The following MYL2 variants were observed in gnomAD, a reference collection of about 807,000 sequenced individuals.
MYL2 encodes the protein myosin light chain 2, also known as myosin regulatory light chain 2, ventricular/cardiac muscle isoform.
MYL2 carries 19 observed loss-of-function variants against 23.0 expected under a neutral mutation model. The observed-to-expected ratio is 0.83, with a 90% CI of 0.58 to 1.21. The LOEUF is 1.21. Ranked by LOEUF, MYL2 falls within the 50% of genes most tolerant of loss-of-function variation. The pLI is 0.00. For missense variants in MYL2, 180 were observed against 215.1 expected (o/e 0.84, Z 1.02); for synonymous variants, 78 against 76.2 (o/e 1.02, Z -0.13).
At chr12:110,913,065 G>C (rs905227564) in intron 6 of MYL2, 31 bp downstream of exon 6, 2 of 1,613,798 alleles carry the variant, frequency 1.2e-6, no homozygotes, top group Admixed American at 3.3e-5. Flanking sequence ...CAGGAGCTGG[G>C]TTAGAGGGAG....
chr12:110,920,691 C>T (rs2071718122), upstream of MYL2: 1 of 992,866 alleles, frequency 1.0e-6, no homozygotes, highest in Non-Finnish European at 1.6e-6. Context: ...GCCCCCCCAC[C>T]CCATGCCGTT....
intron 6 of MYL2, 114 bp downstream of exon 6, chr12:110,912,982 C>A: frequency 8.6e-7 from 1 of 1,165,066 alleles, no homozygotes; most frequent in Non-Finnish European, 1.3e-6. Flanking sequence ...AAGACGATAG[C>A]TGGTTCTCTG....
rs992347768 is a variant in MYL2, at chr12:110,918,568, A to G, written c.93+536T>C. On this transcript the variant is annotated intron_variant, in intron 2 of 6. Coordinates refer to ENST00000228841, the MANE Select transcript of MYL2 (RefSeq NM_000432.4). The surrounding 1 kb of genome is among the most constrained non-coding windows in gnomAD (Gnocchi z 4.4). ...CCAGCAGTTCTGCTTTTAGGAATTT[A>G]CCCCCAAGAAATAACCAGAGATACA... is the stretch of plus-strand genomic sequence containing the variant. Among the ~76,000 whole-genome samples, 6 of 152,098 alleles carry G rather than the reference A, an allele frequency of 3.9e-5. No homozygotes were observed. Among genetic ancestry groups the G allele is most frequent in the African/African-American group, 1.4e-4 (6 of 41,410 alleles).
At chr12:110,920,769 T>G, upstream of MYL2, 1 of 614,650 alleles carries the variant, frequency 1.6e-6, no homozygotes, top group Non-Finnish European at 2.9e-6. Flanking sequence ...CATTCAAGGT[T>G]AAAGAGGCAG....
intron 3 of MYL2, 42 bp from the exon 4 acceptor site, chr12:110,914,332 G>T: frequency 7.0e-7 from 1 of 1,435,124 alleles, no homozygotes; most frequent in Non-Finnish European, 9.8e-7. Flanking sequence ...GAGCTGGGGA[G>T]AAAGAACCAT....
chr12:110,920,862 A>T, upstream of MYL2: 3 of 481,192 alleles, frequency 6.2e-6, no homozygotes, highest in Non-Finnish European at 1.1e-5. Context: ...GTCAATTTTG[A>T]GAAAAAAAAT....
At chr12:110,917,531 G>A (rs546064074) in intron 2 of MYL2, among the ~76,000 whole-genome samples, 10 of 151,668 alleles carry the variant, frequency 6.6e-5, no homozygotes, top group African/African-American at 2.4e-4. Context: ...AGACCAAATG[G>A]GGAATCCTGG....
At chr12:110,920,452 C>T (rs909957349) in intron 1 of MYL2, 75 bp downstream of exon 1, 40 of 1,609,948 alleles carry the variant, frequency 2.5e-5, no homozygotes, top group Non-Finnish European at 3.0e-5. Context: ...CCCCCTCCGC[C>T]GTGGTCCCTC....
chr12:110,920,464 C>T, intron 1 of MYL2, 63 bp downstream of exon 1: 2 of 1,613,426 alleles, frequency 1.2e-6, no homozygotes, highest in Non-Finnish European at 1.7e-6. Flanking sequence ...TGGTCCCTCG[C>T]TTGTAGTGGC....
At chr12:110,916,022 G>T (rs2071686090) in intron 2 of MYL2, among the ~76,000 whole-genome samples, 1 of 152,166 alleles carries the variant, frequency 6.6e-6, no homozygotes, top group South Asian at 2.1e-4. Flanking sequence ...CAAGAGAATT[G>T]AAAACATGTC....
intron 1 of MYL2, among the ~76,000 whole-genome samples, chr12:110,919,680 A>C (rs1043337697): frequency 6.6e-6 from 1 of 151,906 alleles, no homozygotes; most frequent in African/African-American, 2.4e-5. Flanking sequence ...ACACCCCACA[A>C]TTTTCCCTTG....
intron 4 of MYL2, 100 bp downstream of exon 4, chr12:110,914,086 A>G (rs1006043409): frequency 1.0e-6 from 1 of 957,374 alleles, no homozygotes; most frequent in Non-Finnish European, 1.7e-6. Flanking sequence ...TTTTTTTCCA[A>G]TGGTGCTTTA....
intron 1 of MYL2, among the ~76,000 whole-genome samples, chr12:110,919,916 T>C (rs2071709888): frequency 6.6e-6 from 1 of 152,198 alleles, no homozygotes; most frequent in African/African-American, 2.4e-5. Flanking sequence ...CAACTGAGGC[T>C]CAGAGAGGTT....
intron 6 of MYL2, among the ~76,000 whole-genome samples, chr12:110,911,954 C>A (rs965735793): frequency 6.6e-6 from 1 of 152,212 alleles, no homozygotes; most frequent in Non-Finnish European, 1.5e-5. Context: ...GTCGAATCCT[C>A]GCAATCTCCT....
chr12:110,911,389 C>A (rs754297725), intron 6 of MYL2, among the ~76,000 whole-genome samples: 2 of 152,128 alleles, frequency 1.3e-5, no homozygotes, highest in African/African-American at 2.4e-5. Context: ...CCACAGCCAG[C>A]GGATGGGATT....
In MYL2 at chr12:110,911,040, G is replaced by T. The variant is rs1234201879; in HGVS notation, c.*37C>A. The T allele has an allele frequency of 6.3e-7, 1 of 1,577,340 alleles. No individual in the cohort carries two copies. On this transcript the variant is annotated 3_prime_UTR_variant, in exon 7 of 7. Transcript: ENST00000228841. ...GAGAGATGAGGGCAGGGACCACTCT[G>T]CAAAGACGAGCCCAGGGCGCAGCAG...
chr12:110,914,001 C>T (rs945783503), intron 4 of MYL2, among the ~76,000 whole-genome samples, 185 bp downstream of exon 4: 1 of 152,206 alleles, frequency 6.6e-6, no homozygotes, highest in Admixed American at 6.5e-5. Flanking sequence ...AAGTGATCTG[C>T]CCGCCTCGGC....
chr12:110,913,230 C>G lies in MYL2; in HGVS notation c.353+16G>C. 1 of 1,608,604 alleles carries G rather than the reference C, an allele frequency of 6.2e-7. No individual in the cohort carries two copies. ...CAAGCAGGGAACCCCCTTCCTCCCC[C>G]ACAGACCCCACTCACTAATCAGCCT... is the stretch of plus-strand genomic sequence containing the variant. On this transcript the variant is annotated intron_variant, in intron 5 of 6. Transcript: ENST00000228841.
chr12:110,915,415 G>A (rs1422899156), intron 3 of MYL2, among the ~76,000 whole-genome samples: 1 of 152,078 alleles, frequency 6.6e-6, no homozygotes, highest in Non-Finnish European at 1.5e-5. Context: ...TGACCTTCTG[G>A]GTGATGTCAT....
Sources: allele counts gnomAD v4.1 joint callset (sites outside exome capture counted in the v4.1 genomes callset), GRCh38; gene constraint gnomAD v4.1.1; non-coding constraint Gnocchi (gnomAD v3.1); transcripts MANE v1.5; gene names NCBI Gene and HGNC (gene_info 2026-07-23, HGNC 2026-07-21).